FNBP1L: variants seen among roughly 807,000 people sequenced by gnomAD.
The protein encoded by FNBP1L is formin-binding protein 1-like.
FNBP1L carries 36 observed loss-of-function variants against 91.2 expected under a neutral mutation model. The observed-to-expected ratio is 0.39, with a 90% CI of 0.30 to 0.52. The LOEUF (loss-of-function observed/expected upper bound fraction) is 0.52, where lower values mean the gene tolerates loss of function less well. Ranked by LOEUF, FNBP1L falls within the 20% of genes least tolerant of loss-of-function variation. The probability of loss-of-function intolerance (pLI) is 0.66; values close to 1 mark genes in which losing one functional copy is unlikely to be tolerated. For synonymous variants in FNBP1L, 242 were observed against 237.0 expected (o/e 1.02, Z -0.19); for missense variants, 571 against 732.1 (o/e 0.78, Z 2.54).
At position 93,482,847 on chromosome 1, in the gene FNBP1L, G is replaced by A. The variant is rs143571058; in HGVS notation, c.25-16621G>A. Among the ~76,000 whole-genome samples the A allele has an allele frequency of 8.1e-3, 1,228 of 151,902 alleles. 22 individuals carry two copies. The highest frequency in any genetic ancestry group is 0.028 in the African/African-American group (1,163 of 41,444). On this transcript the variant is annotated intron_variant, in intron 1 of 16. Transcript: ENST00000271234. ...ATCCTGACTAACACGGTGAAACCCC[G>A]TCTCTACTAAAAATACAAAAATTAG...
chr1:93,458,110 T>C (rs1407986804), intron 1 of FNBP1L, among the ~76,000 whole-genome samples: 1 of 148,358 alleles, frequency 6.7e-6, no homozygotes, highest in African/African-American at 2.6e-5. Context: ...ATTTCTTATA[T>C]TAAGTTTTTA....
intron 2 of FNBP1L, among the ~76,000 whole-genome samples, chr1:93,502,466 C>G (rs1670468569): frequency 6.6e-6 from 1 of 152,114 alleles, no homozygotes; most frequent in South Asian, 2.1e-4. Flanking sequence ...GACCTCAAAG[C>G]TTTTGAGATG....
rs1363557778 is a variant in FNBP1L at position 93,478,088 on chromosome 1, G to C, written c.25-21380G>C. ...GTGAATTAAGAATCTTTCCAGTTAG[G>C]GATAAATGGGGAACTGATAGTTCAA... On this transcript the variant is annotated intron_variant, in intron 1 of 16. Coordinates refer to ENST00000271234, the MANE Select transcript of FNBP1L (RefSeq NM_001164473.3). Among the ~76,000 whole-genome samples, 4 of 152,184 alleles carry C rather than the reference G, an allele frequency of 2.6e-5. No individual in the cohort carries two copies. The East Asian group carries it at 7.7e-4, about 29-fold the overall frequency.
At chr1:93,472,605 G>A (rs1669330074) in intron 1 of FNBP1L, among the ~76,000 whole-genome samples, 1 of 151,818 alleles carries the variant, frequency 6.6e-6, no homozygotes, top group African/African-American at 2.4e-5. Context: ...GAGGTCAGGA[G>A]ATTGAGACCA....
intron 6 of FNBP1L, 35 bp downstream of exon 6, chr1:93,529,791 ATAT>A (rs561044183): frequency 5.1e-4 from 634 of 1,242,656 alleles, no homozygotes; most frequent in African/African-American, 1.6e-3. Context: ...TAATGTCAAA[ATAT>A]TATTATTTGC....
intron 14 of FNBP1L, among the ~76,000 whole-genome samples, chr1:93,548,198 C>T (rs1672301927): frequency 6.6e-6 from 1 of 151,880 alleles, no homozygotes. Flanking sequence ...TAAGAGATAC[C>T]CACAAATTAC....
At chr1:93,542,817 C>CT (rs950593187) in intron 11 of FNBP1L, among the ~76,000 whole-genome samples, 4 of 125,560 alleles carry the variant, frequency 3.2e-5, no homozygotes, top group African/African-American at 1.3e-4. Flanking sequence ...GAGTCTCGCT[C>CT]TTGTCGCCCA....
Position 93,536,387 on chromosome 1 carries a change from G to T in FNBP1L, c.1046G>T (p.Gly349Val), listed in dbSNP as rs1183625571. 2 of 1,550,590 alleles carry T rather than the reference G, an allele frequency of 1.3e-6. No individual in the cohort carries two copies. The highest frequency in any genetic ancestry group is 2.4e-5 in the South Asian group (2 of 83,962). Residue 349 changes from glycine (G) to valine (V), a missense_variant, in exon 10 of 17, where the codon GGG (glycine) becomes GTG (valine). Physicochemically the swap from Gly to Val is moderately radical, Grantham distance 109. Coordinates refer to ENST00000271234, the MANE Select transcript of FNBP1L (RefSeq NM_001164473.3). ...TTATTCACATCCAGTACTCCTAATG[G>T]GTCCCAGTTTCTCACATTCTCCATT... Reference protein sequence around the residue: ...TSLFTSSTPNGSQFLTFSIEP... With the variant: ...TSLFTSSTPNVSQFLTFSIEP...
In FNBP1L at chr1:93,498,165, GA is replaced by G. The variant is rs1359287088; in HGVS notation, c.25-1301del. 2.0e-5 allele frequency among the ~76,000 whole-genome samples: 3 copies of G among 152,296 alleles called. No individual in the cohort carries two copies. In the East Asian group the frequency reaches 5.8e-4, roughly 29 times the overall value. The stretch of plus-strand genomic sequence containing the variant: ...TTGGAGACTTAATCTAGAGGATAAA[GA>G]AGTGTAATATAAAATTTGGTGAAGA... On this transcript the variant is annotated intron_variant, in intron 1 of 16. Transcript: ENST00000271234.
chr1:93,465,102 A>AT (rs1669026234), intron 1 of FNBP1L, among the ~76,000 whole-genome samples: 1 of 148,644 alleles, frequency 6.7e-6, no homozygotes, highest in Admixed American at 6.7e-5. Flanking sequence ...TCATGGTTTC[A>AT]TTTTGTGGGG....
chr1:93,471,551 G>T (rs1373787606), intron 1 of FNBP1L, among the ~76,000 whole-genome samples: 2 of 152,078 alleles, frequency 1.3e-5, no homozygotes, highest in East Asian at 3.9e-4. Flanking sequence ...AATTAGCTGG[G>T]CGTGGTGGTG....
intron 1 of FNBP1L, among the ~76,000 whole-genome samples, chr1:93,477,839 C>T (rs1669551033): frequency 6.6e-6 from 1 of 152,172 alleles, no homozygotes; most frequent in African/African-American, 2.4e-5. Context: ...ATTTTTATTC[C>T]AGAAAGCTAA....
intron 1 of FNBP1L, among the ~76,000 whole-genome samples, chr1:93,451,185 TA>T (rs530555743): frequency 2.7e-4 from 41 of 152,252 alleles, no homozygotes; most frequent in Non-Finnish European, 5.4e-4. Context: ...TTCATTTCTT[TA>T]TTACATAGCA....
chr1:93,493,650 A>G (rs768260018), intron 1 of FNBP1L, among the ~76,000 whole-genome samples: 5 of 152,102 alleles, frequency 3.3e-5, no homozygotes, highest in Non-Finnish European at 5.9e-5. Context: ...TTTACTTAGC[A>G]TGATGTCTTA....
intron 11 of FNBP1L, among the ~76,000 whole-genome samples, chr1:93,541,399 T>C (rs192461917): frequency 6.6e-6 from 1 of 152,332 alleles, no homozygotes; most frequent in East Asian, 1.9e-4. Context: ...ATTATTTTGC[T>C]TAATAGCCTT....
chr1:93,514,596 C>T (rs182851703), intron 2 of FNBP1L, among the ~76,000 whole-genome samples: 1 of 152,230 alleles, frequency 6.6e-6, no homozygotes, highest in African/African-American at 2.4e-5. Flanking sequence ...CAGAACAGAG[C>T]CCTCAGAAAT....
At chr1:93,498,437 G>GT (rs1258885691) in intron 1 of FNBP1L, among the ~76,000 whole-genome samples, 1 of 152,200 alleles carries the variant, frequency 6.6e-6, no homozygotes, top group Non-Finnish European at 1.5e-5. Flanking sequence ...TAATCAGAAA[G>GT]TTTCGTGGAA....
intron 2 of FNBP1L, among the ~76,000 whole-genome samples, chr1:93,501,617 A>G (rs972576911): frequency 6.6e-6 from 1 of 152,100 alleles, no homozygotes. Flanking sequence ...CTATCTCCCA[A>G]CACCACCACT....
At chr1:93,522,010 A>G in intron 2 of FNBP1L, 72 bp from the exon 3 acceptor site, 1 of 940,548 alleles carries the variant, frequency 1.1e-6, no homozygotes, top group Non-Finnish European at 1.5e-6. Flanking sequence ...AATGAAATTG[A>G]AAACTTAGAC....
Sources: gnomAD v4.1 joint callset for allele counts (sites outside exome capture counted in the v4.1 genomes callset) on GRCh38, gnomAD v4.1.1 for gene constraint, MANE v1.5 for transcripts, NCBI Gene and HGNC (gene_info 2026-07-23, HGNC 2026-07-21) for gene names.